DACH2: variants seen among roughly 807,000 people sequenced by gnomAD.
DACH2 encodes the protein dachshund homolog 2.
A neutral mutation model predicts 35.8 loss-of-function variants in DACH2; 17 were observed. That is an observed-to-expected ratio of 0.48 (90% CI 0.33 to 0.71). The LOEUF is 0.71. Among genes scored for constraint, DACH2 ranks in the 30% least tolerant of loss-of-function variants. The pLI, the probability that DACH2 is intolerant of heterozygous loss-of-function variation, is 0.02. For synonymous variants in DACH2, 195 were observed against 177.3 expected (o/e 1.10, Z -0.79); for missense variants, 469 against 472.7 (o/e 0.99, Z 0.07).
At chrX:86,659,292 C>T in intron 4 of DACH2, among the ~76,000 whole-genome samples, 1 of 110,478 alleles carries the variant, frequency 9.1e-6, no homozygotes. Context: ...TTTTCAGTAC[C>T]CTTCTATAAC....
intron 7 of DACH2, among the ~76,000 whole-genome samples, chrX:86,774,645 G>A (rs191747849): frequency 5.5e-4 from 61 of 111,746 alleles, no homozygotes; most frequent in African/African-American, 1.9e-3. Flanking sequence ...ACAATGGTTC[G>A]GATCCTTTAC....
intron 1 of DACH2, among the ~76,000 whole-genome samples, chrX:86,337,206 A>G (rs1249700450): frequency 1.8e-5 from 2 of 111,379 alleles, no homozygotes; most frequent in Non-Finnish European, 3.8e-5. Context: ...GCCAACATTC[A>G]AATTCAGGAA....
intron 7 of DACH2, among the ~76,000 whole-genome samples, chrX:86,796,552 A>C (rs1453964300): frequency 8.9e-6 from 1 of 112,276 alleles, no homozygotes; most frequent in Admixed American, 9.4e-5. Context: ...TTAGGGCAGA[A>C]ATTTTGGGTG....
intron 2 of DACH2, among the ~76,000 whole-genome samples, chrX:86,427,164 A>G (rs903741898): frequency 9.0e-6 from 1 of 111,576 alleles, no homozygotes; most frequent in African/African-American, 3.2e-5. Flanking sequence ...CCCTTTATCT[A>G]TAAAGACAGG....
chrX:86,323,623 G>A (rs768867478), intron 1 of DACH2, among the ~76,000 whole-genome samples: 6 of 111,924 alleles, frequency 5.4e-5, no homozygotes, highest in Admixed American at 1.9e-4. Context: ...ACAACCAGTC[G>A]GGCATAGGGG....
intron 1 of DACH2, among the ~76,000 whole-genome samples, chrX:86,238,432 T>C (rs1038529759): frequency 6.2e-5 from 7 of 112,334 alleles, no homozygotes; most frequent in African/African-American, 2.3e-4. Context: ...AAGGAGCTAA[T>C]GAAGTCCTTT....
rs751897320 is a variant in DACH2 at position 86,325,847 on chromosome X, G to GTAGA, written c.489-50970_489-50967dup. Among the ~76,000 whole-genome samples, 13 of 111,956 alleles carry GTAGA rather than the reference G, an allele frequency of 1.2e-4. No homozygotes were observed. In the East Asian group the frequency reaches 3.4e-3, roughly 29 times the overall value. On this transcript the variant is annotated intron_variant, in intron 1 of 11. Transcript: ENST00000373125. ...TAGCAGAAAAAGTGGGAGCTTTGGA[G>GTAGA]TAGATAGATATGGGTTTGATCCTTG...
intron 1 of DACH2, among the ~76,000 whole-genome samples, chrX:86,321,792 G>A (rs143231521): frequency 9.0e-4 from 101 of 112,347 alleles, no homozygotes; most frequent in African/African-American, 2.5e-3. Context: ...AAACACTTGC[G>A]TTAAATTTTG....
At chrX:86,654,023 G>C (rs1327256083) in intron 4 of DACH2, among the ~76,000 whole-genome samples, 2 of 108,295 alleles carry the variant, frequency 1.8e-5, no homozygotes, top group Admixed American at 1.0e-4. Flanking sequence ...GTTCCTCTCT[G>C]TCCTCTGTTT....
chrX:86,673,421 G>T (rs186489445), intron 4 of DACH2, among the ~76,000 whole-genome samples: 1 of 109,364 alleles, frequency 9.1e-6, no homozygotes, highest in Non-Finnish European at 1.9e-5. Context: ...TTTCAGACTT[G>T]CATGGGGACT....
At chrX:86,569,860 T>C (rs1305593758) in intron 3 of DACH2, among the ~76,000 whole-genome samples, 1 of 111,620 alleles carries the variant, frequency 9.0e-6, no homozygotes, top group Non-Finnish European at 1.9e-5. Flanking sequence ...AGGTCTAATA[T>C]CCAGAACCTA....
intron 2 of DACH2, among the ~76,000 whole-genome samples, chrX:86,438,280 A>G (rs1166911980): frequency 9.7e-6 from 1 of 102,617 alleles, no homozygotes; most frequent in East Asian, 3.1e-4. Context: ...CTGGAGTGCA[A>G]TGGCGTGATC....
intron 1 of DACH2, among the ~76,000 whole-genome samples, chrX:86,292,184 T>A: frequency 1.2e-5 from 1 of 83,223 alleles, no homozygotes; most frequent in Non-Finnish European, 2.2e-5. Context: ...ATTTATCCAT[T>A]TCTTCTAGAT....
At chrX:86,569,474 A>G (rs2039337022) in intron 3 of DACH2, among the ~76,000 whole-genome samples, 1 of 111,252 alleles carries the variant, frequency 9.0e-6, no homozygotes, top group Admixed American at 9.6e-5. Flanking sequence ...AAAGGAGAGG[A>G]TGATCAAATA....
chrX:86,676,907 T>C (rs2040831434), intron 4 of DACH2, among the ~76,000 whole-genome samples: 1 of 111,323 alleles, frequency 9.0e-6, no homozygotes, highest in African/African-American at 3.3e-5. Context: ...ATTAGTACAG[T>C]TACATATTCT....
intron 2 of DACH2, among the ~76,000 whole-genome samples, chrX:86,426,348 G>A (rs905024267): frequency 9.0e-6 from 1 of 110,596 alleles, no homozygotes; most frequent in African/African-American, 3.3e-5. Flanking sequence ...CCTCTGATTT[G>A]CTTCCTTTCT....
chrX:86,219,379 G>A (rs151072965), intron 1 of DACH2, among the ~76,000 whole-genome samples: 1 of 110,998 alleles, frequency 9.0e-6, no homozygotes, highest in Non-Finnish European at 1.9e-5. Context: ...GTGTCATGGG[G>A]GTTTATCGTA....
At chrX:86,374,234 T>C (rs1296843135) in intron 1 of DACH2, among the ~76,000 whole-genome samples, 3 of 111,451 alleles carry the variant, frequency 2.7e-5, no homozygotes, top group African/African-American at 9.7e-5. Flanking sequence ...GTTAACTTTG[T>C]TGAGCTTCAC....
intron 3 of DACH2, among the ~76,000 whole-genome samples, chrX:86,590,951 C>A (rs2039636793): frequency 9.0e-6 from 1 of 110,881 alleles, no homozygotes; most frequent in Admixed American, 9.7e-5. Context: ...TCTCCTAATG[C>A]TATCCCTCCC....
Sources: allele counts gnomAD v4.1 joint callset (sites outside exome capture counted in the v4.1 genomes callset), GRCh38; gene constraint gnomAD v4.1.1; transcripts MANE v1.5; gene names NCBI Gene and HGNC (gene_info 2026-07-23, HGNC 2026-07-21).